NALF1: variants seen among roughly 807,000 people sequenced by gnomAD.
The protein encoded by NALF1 is NALCN channel auxiliary factor 1.
In NALF1, 3 loss-of-function variants were observed where a neutral mutation model predicts 48.4. The observed-to-expected ratio is 0.06, with a 90% CI of 0.03 to 0.16. The LOEUF is 0.16. Among genes scored for constraint, NALF1 ranks in the 10% least tolerant of loss-of-function variants. The pLI, the probability that NALF1 is intolerant of heterozygous loss-of-function variation, is 1.00. For missense variants in NALF1, 526 were observed against 571.5 expected, an observed-to-expected ratio of 0.92 and a Z score of 0.81; for synonymous variants, 262 against 245.7, an observed-to-expected ratio of 1.07 and a Z score of -0.62.
chr13:107,597,639 A>T (rs575848202), intron 1 of NALF1, among the ~76,000 whole-genome samples: 1 of 152,320 alleles, frequency 6.6e-6, no homozygotes, highest in South Asian at 2.1e-4. Flanking sequence ...AAAAGCTTAC[A>T]AAAGAAAAAA....
intron 1 of NALF1, among the ~76,000 whole-genome samples, chr13:107,248,034 A>G (rs1468628564): frequency 6.6e-6 from 1 of 152,162 alleles, no homozygotes; most frequent in African/African-American, 2.4e-5. Flanking sequence ...TTGGCAGGAG[A>G]GTTATGCACC....
At chr13:107,288,140 T>C (rs957297432) in intron 1 of NALF1, among the ~76,000 whole-genome samples, 18 of 152,232 alleles carry the variant, frequency 1.2e-4, no homozygotes, top group African/African-American at 4.1e-4. Flanking sequence ...TTTGAAGTCA[T>C]ATCTCAATTG....
At chr13:107,465,269 A>G (rs1331702568) in intron 1 of NALF1, among the ~76,000 whole-genome samples, 1 of 151,526 alleles carries the variant, frequency 6.6e-6, no homozygotes, top group Non-Finnish European at 1.5e-5. Context: ...GGTTTGTTAA[A>G]TATTGTCATG....
chr13:107,353,572 A>C (rs955535045), intron 1 of NALF1, among the ~76,000 whole-genome samples: 3 of 152,200 alleles, frequency 2.0e-5, no homozygotes, highest in African/African-American at 7.2e-5. Flanking sequence ...AATTCATAAG[A>C]AGTTCATAAT....
At chr13:107,356,375 A>G (rs1882964074) in intron 1 of NALF1, among the ~76,000 whole-genome samples, 1 of 152,230 alleles carries the variant, frequency 6.6e-6, no homozygotes, top group Non-Finnish European at 1.5e-5. Flanking sequence ...TATATAACAA[A>G]AGAGAAACTT....
At chr13:107,648,198 C>T (rs1880360104) in intron 1 of NALF1, among the ~76,000 whole-genome samples, 1 of 152,190 alleles carries the variant, frequency 6.6e-6, no homozygotes, top group South Asian at 2.1e-4. Context: ...TAACTGAATT[C>T]CCTCATTCAC....
chr13:107,178,924 C>A (rs935350500), intron 2 of NALF1, among the ~76,000 whole-genome samples: 1 of 150,278 alleles, frequency 6.7e-6, no homozygotes, highest in Non-Finnish European at 1.5e-5. Context: ...CAGCCTGGGT[C>A]ACAGAGTGAG....
intron 1 of NALF1, 95 bp downstream of exon 1, chr13:107,865,587 T>C (rs1880689361): frequency 6.7e-6 from 10 of 1,492,018 alleles, no homozygotes; most frequent in South Asian, 4.1e-5. Flanking sequence ...AACAAAACCA[T>C]AGCCAAAAAA....
At chr13:107,683,623 G>C (rs1266200744) in intron 1 of NALF1, among the ~76,000 whole-genome samples, 1 of 152,188 alleles carries the variant, frequency 6.6e-6, no homozygotes, top group Non-Finnish European at 1.5e-5. Context: ...GCTCCATGTG[G>C]CTGCTTGGTT....
intron 1 of NALF1, among the ~76,000 whole-genome samples, chr13:107,429,364 T>C (rs9514685): frequency 0.54 from 81,620 of 151,408 alleles, 22,075 homozygotes; most frequent in Middle Eastern, 0.58. Flanking sequence ...AATAGTTCCA[T>C]GTGTTTATTA....
intron 1 of NALF1, among the ~76,000 whole-genome samples, chr13:107,864,128 A>C (rs1479796240): frequency 2.6e-5 from 4 of 152,240 alleles, no homozygotes; most frequent in Admixed American, 2.6e-4. Flanking sequence ...GTAGTTATTC[A>C]TTATTAATTT....
chr13:107,232,893 G>T (rs576334816), intron 1 of NALF1, among the ~76,000 whole-genome samples: 25 of 152,314 alleles, frequency 1.6e-4, no homozygotes, highest in Middle Eastern at 3.4e-3. Context: ...AGTAGGCAGT[G>T]TTGCTTTCCC....
intron 1 of NALF1, among the ~76,000 whole-genome samples, chr13:107,415,914 G>A (rs141090268): frequency 1.7e-3 from 265 of 152,196 alleles, no homozygotes; most frequent in Non-Finnish European, 2.5e-3. Context: ...CCTTCTGCTC[G>A]ATGTTGACGA....
At chr13:107,705,075 T>G (rs993498381) in intron 1 of NALF1, among the ~76,000 whole-genome samples, 11 of 152,198 alleles carry the variant, frequency 7.2e-5, no homozygotes, top group African/African-American at 2.7e-4. Flanking sequence ...TCAGGCATAT[T>G]AAAAAGTACA....
intron 2 of NALF1, among the ~76,000 whole-genome samples, chr13:107,176,212 G>C (rs61967560): frequency 6.6e-6 from 1 of 151,940 alleles, no homozygotes; most frequent in Non-Finnish European, 1.5e-5. Context: ...CAAATTTTCC[G>C]GGTAGTGAAA....
At chr13:107,569,808 C>T (rs1033880) in intron 1 of NALF1, among the ~76,000 whole-genome samples, 55,564 of 151,986 alleles carry the variant, frequency 0.37, 10,829 homozygotes, top group Non-Finnish European at 0.45. Flanking sequence ...TAGCAGTTGC[C>T]TTAAACCTGT....
At chr13:107,521,484 T>C (rs1454116227) in intron 1 of NALF1, among the ~76,000 whole-genome samples, 2 of 152,226 alleles carry the variant, frequency 1.3e-5, no homozygotes, top group Non-Finnish European at 2.9e-5. Context: ...TCTTTCATTA[T>C]AGTTTCATAC....
chr13:107,661,666 T>G (rs1880738188), intron 1 of NALF1, among the ~76,000 whole-genome samples: 1 of 151,682 alleles, frequency 6.6e-6, no homozygotes, highest in Admixed American at 6.5e-5. Context: ...CTGAATTACC[T>G]CCCATCTCAC....
intron 1 of NALF1, among the ~76,000 whole-genome samples, chr13:107,510,550 T>G (rs1454917602): frequency 1.3e-5 from 2 of 152,220 alleles, no homozygotes; most frequent in Admixed American, 1.3e-4. Context: ...TTACATACTT[T>G]AAAACCTGTC....
Sources: gnomAD v4.1 joint callset for allele counts (sites outside exome capture counted in the v4.1 genomes callset) on GRCh38, gnomAD v4.1.1 for gene constraint, MANE v1.5 for transcripts, NCBI Gene and HGNC (gene_info 2026-07-23, HGNC 2026-07-21) for gene names.